Variants in STAT4 observed in about 807,000 individuals in gnomAD.
STAT4 encodes signal transducer and activator of transcription 4.
A neutral mutation model predicts 110.5 loss-of-function variants in STAT4; 42 were observed. The observed-to-expected ratio is 0.38, with a 90% CI of 0.30 to 0.49. STAT4 has a LOEUF of 0.49. Ranked by LOEUF, STAT4 falls within the 20% of genes least tolerant of loss-of-function variation. STAT4 has a pLI of 0.95. For missense variants in STAT4, 632 were observed against 887.9 expected, an observed-to-expected ratio of 0.71 and a Z score of 3.66; for synonymous variants, 284 against 302.2, an observed-to-expected ratio of 0.94 and a Z score of 0.63.
Position 191,029,706 on chromosome 2 carries a change from G to C in STAT4, c.*134C>G, listed in dbSNP as rs995779195. On this transcript the variant is annotated 3_prime_UTR_variant, in exon 24 of 24. Coordinates refer to ENST00000392320, the MANE Select transcript of STAT4 (RefSeq NM_003151.4). This position sits in a 1 kb window ranked among gnomAD's most constrained non-coding sequence, Gnocchi z 4.5. ...GAGGAGTGCCACGGGAGTGTGAAGA[G>C]AGCTTCAGATGTCAAACATTTCCTA... 1.1e-5 allele frequency: 9 copies of C among 805,184 alleles called. No individual in the cohort carries two copies. The highest frequency in any genetic ancestry group is 1.8e-5 in the Non-Finnish European group (9 of 488,964). The allele number at this position is 805,184 out of a possible 1,614,324, so 49.9% of individuals were successfully genotyped here.
intron 3 of STAT4, among the ~76,000 whole-genome samples, chr2:191,106,363 A>G (rs992567829): frequency 6.8e-6 from 1 of 147,374 alleles, no homozygotes; most frequent in Non-Finnish European, 1.5e-5. Flanking sequence ...GTCTGCTTAG[A>G]AAAAAAAAAA....
intron 14 of STAT4, among the ~76,000 whole-genome samples, chr2:191,052,232 TCTTC>T (rs1696546767): frequency 6.6e-6 from 1 of 152,232 alleles, no homozygotes; most frequent in Non-Finnish European, 1.5e-5. Context: ...TCCCGGTTTA[TCTTC>T]CTTCATGTAC....
In STAT4 at chr2:191,033,153, G is replaced by C; in HGVS notation, c.1853-4C>G. The stretch of plus-strand genomic sequence containing the variant: ...ACAGAGTGGAATCTCACTTCCCCTT[G>C]AAAAACAGAAATTGGAGAAATATAC... On this transcript the variant is annotated splice_polypyrimidine_tract_variant and splice_region_variant and intron_variant, in intron 20 of 23. Coordinates refer to ENST00000392320, the MANE Select transcript of STAT4 (RefSeq NM_003151.4). This position sits in a 1 kb window ranked among gnomAD's most constrained non-coding sequence, Gnocchi z 6.9. 6.2e-7 allele frequency: 1 copy of C among 1,611,122 alleles called. No homozygotes were observed. The highest frequency in any genetic ancestry group is 1.1e-5 in the South Asian group (1 of 90,670).
rs899043093 is a variant in STAT4, at chr2:191,042,822, C to T, written c.1252-1674G>A. ...GAGATGCAGTTTTGCTCTTGTTGCC[C>T]AGGCTGGAGTGCAGTGGCACAATCT... is the stretch of plus-strand genomic sequence containing the variant. On this transcript the variant is annotated intron_variant, in intron 14 of 23. Transcript: ENST00000392320. This position sits in a 1 kb window ranked among gnomAD's most constrained non-coding sequence, Gnocchi z 4.2. Among the ~76,000 whole-genome samples, 1 of 151,616 alleles carries T rather than the reference C, an allele frequency of 6.6e-6. No individual in the cohort carries two copies. Among genetic ancestry groups the T allele is most frequent in the Non-Finnish European group, 1.5e-5 (1 of 67,972 alleles).
chr2:191,091,357 C>T lies in STAT4; in HGVS notation c.274-15032G>A, dbSNP rs1036210934. On this transcript the variant is annotated intron_variant, in intron 3 of 23. Coordinates refer to ENST00000392320, the MANE Select transcript of STAT4 (RefSeq NM_003151.4). This position sits in a 1 kb window ranked among gnomAD's most constrained non-coding sequence, Gnocchi z 5.4. ...AGAAAAATAATTTAAAAAACAGGAA[C>T]GAATTTAACAAAGAAGATACAGGTC... 1.9e-4 allele frequency among the ~76,000 whole-genome samples: 29 copies of T among 151,758 alleles called. 1 individual carries two copies. Among genetic ancestry groups the T allele is most frequent in the African/African-American group, 5.6e-4 (23 of 41,280 alleles).
rs1431714542 is a variant in STAT4 at position 191,110,026 on chromosome 2, G to C, written c.274-33701C>G. On this transcript the variant is annotated intron_variant, in intron 3 of 23. Coordinates refer to ENST00000392320, the MANE Select transcript of STAT4 (RefSeq NM_003151.4). The surrounding 1 kb of genome is among the most constrained non-coding windows in gnomAD (Gnocchi z 4.5). ...AAAGGCCACAATATGCAAACTCCTG[G>C]TTTCCAATATGAGTTGTCACCTCCC... is the stretch of plus-strand genomic sequence containing the variant. Among the ~76,000 whole-genome samples, 1 of 152,082 alleles carries C rather than the reference G, an allele frequency of 6.6e-6. No individual in the cohort carries two copies. Among genetic ancestry groups the C allele is most frequent in the Non-Finnish European group, 1.5e-5 (1 of 68,028 alleles).
chr2:191,072,437 G>A (rs539457398), intron 5 of STAT4, among the ~76,000 whole-genome samples: 1 of 152,088 alleles, frequency 6.6e-6, no homozygotes. Context: ...TTGTTATGGA[G>A]GATCACTAAA....
intron 3 of STAT4, among the ~76,000 whole-genome samples, chr2:191,127,881 T>C (rs1018877712): frequency 2.0e-5 from 3 of 152,154 alleles, no homozygotes; most frequent in Admixed American, 6.5e-5. Flanking sequence ...AAGAGGAAGA[T>C]CAACCTAGGA....
chr2:191,130,514 G>A (rs1339212880), intron 3 of STAT4, among the ~76,000 whole-genome samples: 6 of 151,606 alleles, frequency 4.0e-5, no homozygotes, highest in South Asian at 4.2e-4. Flanking sequence ...GAGCCACGGC[G>A]CTTGGCCTAT....
intron 17 of STAT4, among the ~76,000 whole-genome samples, chr2:191,034,981 C>T (rs1416124320): frequency 6.6e-6 from 1 of 152,032 alleles, no homozygotes; most frequent in African/African-American, 2.4e-5. Flanking sequence ...TGCCTAATGT[C>T]GGTAAATGAA....
At position 191,077,955 on chromosome 2, in the gene STAT4, G is replaced by A. The variant is rs1290958508; in HGVS notation, c.274-1630C>T. Among the ~76,000 whole-genome samples the A allele has an allele frequency of 6.6e-6, 1 of 151,856 alleles. No homozygotes were observed. Among genetic ancestry groups the A allele is most frequent in the Non-Finnish European group, 1.5e-5 (1 of 67,944 alleles). On this transcript the variant is annotated intron_variant, in intron 3 of 23. Coordinates refer to ENST00000392320, the MANE Select transcript of STAT4 (RefSeq NM_003151.4). The surrounding 1 kb of genome is among the most constrained non-coding windows in gnomAD (Gnocchi z 4.1). ...ACCATTTTTTCCATTTCCGTGTGTC[G>A]ACAATTTCAGATTCTCTCTAGTTAG...
rs1055898145 is a variant in STAT4, at chr2:191,104,369, A to G, written c.274-28044T>C. Among the ~76,000 whole-genome samples, 2 of 152,160 alleles carry G rather than the reference A, an allele frequency of 1.3e-5. No homozygotes were observed. ...TTTCCCACGTTTAGTTCTCACTAAC[A>G]TTTATTTTCTAGGAGAAGATGAGGT... is the stretch of plus-strand genomic sequence containing the variant. On this transcript the variant is annotated intron_variant, in intron 3 of 23. Transcript: ENST00000392320. This position sits in a 1 kb window ranked among gnomAD's most constrained non-coding sequence, Gnocchi z 4.3.
At position 191,099,642 on chromosome 2, in the gene STAT4, T is replaced by A. The variant is rs553802916; in HGVS notation, c.274-23317A>T. On this transcript the variant is annotated intron_variant, in intron 3 of 23. Transcript: ENST00000392320. This position sits in a 1 kb window ranked among gnomAD's most constrained non-coding sequence, Gnocchi z 4.1. The stretch of plus-strand genomic sequence containing the variant: ...AACACACATGTACACATTATATTTT[T>A]AAAAATATCCACAAATTATATCTTT... Among the ~76,000 whole-genome samples, 2 of 152,290 alleles carry A rather than the reference T, an allele frequency of 1.3e-5. No homozygotes were observed. Among genetic ancestry groups the A allele is most frequent in the East Asian group, 1.9e-4 (1 of 5,192 alleles).
chr2:191,145,616 T>C (rs1426187346), intron 3 of STAT4, among the ~76,000 whole-genome samples: 1 of 152,208 alleles, frequency 6.6e-6, no homozygotes. Context: ...AGGGCAAAGA[T>C]AGCTCAGCGC....
chr2:191,052,742 C>T (rs1696566594), intron 14 of STAT4, among the ~76,000 whole-genome samples: 1 of 152,188 alleles, frequency 6.6e-6, no homozygotes, highest in Non-Finnish European at 1.5e-5. Flanking sequence ...AATGTTGCAA[C>T]TCTAGCCAGA....
upstream of STAT4, chr2:191,151,389 G>A (rs1004069029): frequency 5.1e-6 from 5 of 985,508 alleles, no homozygotes; most frequent in African/African-American, 5.2e-5. This position sits in a 1 kb window ranked among gnomAD's most constrained non-coding sequence, Gnocchi z 4.7. Context: ...CACTCAGCCT[G>A]GTGAACCACC....
Position 191,083,677 on chromosome 2 carries a change from C to T in STAT4, c.274-7352G>A, listed in dbSNP as rs915745476. On this transcript the variant is annotated intron_variant, in intron 3 of 23. Coordinates refer to ENST00000392320, the MANE Select transcript of STAT4 (RefSeq NM_003151.4). This position sits in a 1 kb window ranked among gnomAD's most constrained non-coding sequence, Gnocchi z 4.6. ...TGAATTAGAAATGTGCAACCTACTGCGTACTTCTGGTTGCCAACTAGCTCT... is the reference window on the plus strand; with the variant it reads ...TGAATTAGAAATGTGCAACCTACTGTGTACTTCTGGTTGCCAACTAGCTCT... Among the ~76,000 whole-genome samples, 5 of 152,108 alleles carry T rather than the reference C, an allele frequency of 3.3e-5. No homozygotes were observed. Among genetic ancestry groups the T allele is most frequent in the African/African-American group, 9.7e-5 (4 of 41,420 alleles).
At position 191,037,811 on chromosome 2, in the gene STAT4, T is replaced by C. The variant is rs1696083574; in HGVS notation, c.1434+1388A>G. On this transcript the variant is annotated intron_variant, in intron 16 of 23. Coordinates refer to ENST00000392320, the MANE Select transcript of STAT4 (RefSeq NM_003151.4). The surrounding 1 kb of genome is among the most constrained non-coding windows in gnomAD (Gnocchi z 4.8). ...AGATGGTTTTTTGTGAACCTGAGAA[T>C]GGTGCCTGGAAAAGTGACCAGAAAG... Among the ~76,000 whole-genome samples, 1 of 152,152 alleles carries C rather than the reference T, an allele frequency of 6.6e-6. No individual in the cohort carries two copies. Among genetic ancestry groups the C allele is most frequent in the Non-Finnish European group, 1.5e-5 (1 of 68,016 alleles).
In STAT4 at chr2:191,086,332, C is replaced by T. The variant is rs1010215513; in HGVS notation, c.274-10007G>A. Among the ~76,000 whole-genome samples, 1 of 152,096 alleles carries T rather than the reference C, an allele frequency of 6.6e-6. No homozygotes were observed. Among genetic ancestry groups the T allele is most frequent in the Non-Finnish European group, 1.5e-5 (1 of 68,020 alleles). On this transcript the variant is annotated intron_variant, in intron 3 of 23. Coordinates refer to ENST00000392320, the MANE Select transcript of STAT4 (RefSeq NM_003151.4). The surrounding 1 kb of genome is among the most constrained non-coding windows in gnomAD (Gnocchi z 5.5). ...GGACCTCAAGAAGAGAGGAATTCAC[C>T]CAATTCATACAACTATCTGCAAGCA...
Sources: allele counts gnomAD v4.1 joint callset (sites outside exome capture counted in the v4.1 genomes callset), GRCh38; gene constraint gnomAD v4.1.1; non-coding constraint Gnocchi (gnomAD v3.1); transcripts MANE v1.5; gene names NCBI Gene and HGNC (gene_info 2026-07-23, HGNC 2026-07-21).